Variants in BCL6B observed in about 807,000 individuals in gnomAD.
The protein encoded by BCL6B is B-cell CLL/lymphoma 6 member B protein.
BCL6B carries 28 observed loss-of-function variants against 44.6 expected under a neutral mutation model. The ratio of observed to expected loss-of-function variants is 0.63; its 90% confidence interval spans 0.47 to 0.86. BCL6B has a LOEUF of 0.86. Among genes scored for constraint, BCL6B ranks in the 40% least tolerant of loss-of-function variants. The probability of loss-of-function intolerance (pLI) is 0.00; values close to 1 mark genes in which losing one functional copy is unlikely to be tolerated. For missense variants in BCL6B, 626 were observed against 652.3 expected (o/e 0.96, Z 0.44); for synonymous variants, 268 against 263.6 (o/e 1.02, Z -0.16).
rs1329482297 is a variant in BCL6B, at chr17:7,023,715, G to C, written c.44G>C (p.Arg15Pro). 3.1e-6 allele frequency: 5 copies of C among 1,613,008 alleles called. No homozygotes were observed. Among genetic ancestry groups the C allele is most frequent in the African/African-American group, 2.7e-5 (2 of 74,934 alleles). Residue 15 changes from arginine (R) to proline (P), a missense_variant, in exon 2 of 9, where the codon CGC becomes CCC. Coordinates refer to ENST00000293805, the MANE Select transcript of BCL6B (RefSeq NM_181844.4). ...AAPEGALGYVREFTRHSSDVL... is the reference protein window; with the variant it reads ...AAPEGALGYVPEFTRHSSDVL... The stretch of plus-strand genomic sequence containing the variant: ...CCGGAGGGAGCGCTGGGCTACGTCC[G>C]CGAGTTCACTCGCCACTCCTCCGAC...
chr17:7,027,524 T>G lies in BCL6B; in HGVS notation c.1345T>G (p.Phe449Val). The part of the protein sequence containing the change: ...PYHCDPCGLH[F>V]RHKSQLRLHL... ...ACAGTGCGACCCCTGTGGCCTGCAT[T>G]TCCGGCACAAGAGTCAACTGCGGCT... The change falls in exon 9 of 9, where the codon TTC (phenylalanine) becomes GTC (valine). Residue 449 changes from phenylalanine to valine, a missense_variant. Phe to Val is a conservative substitution (Grantham distance 50, BLOSUM62 -1). Coordinates refer to ENST00000293805, the MANE Select transcript of BCL6B (RefSeq NM_181844.4). 6.2e-7 allele frequency: 1 copy of G among 1,613,850 alleles called. No homozygotes were observed. The highest frequency in any genetic ancestry group is 8.5e-7 in the Non-Finnish European group (1 of 1,180,014).
intron 8 of BCL6B, 57 bp downstream of exon 8, chr17:7,027,144 G>A: frequency 3.7e-6 from 6 of 1,603,706 alleles, no homozygotes; most frequent in South Asian, 2.2e-5. Context: ...TTTGCCTAGG[G>A]GTGGGCTCTG....
Position 7,029,589 on chromosome 17 carries a change from G to A in BCL6B, c.*1970G>A, listed in dbSNP as rs1384615198. ...GGCAGGTGGAGAATGCCTGGGGGTAGAAATGTTAGATCTTGCAACATCAGA... is the reference window on the plus strand; with the variant it reads ...GGCAGGTGGAGAATGCCTGGGGGTAAAAATGTTAGATCTTGCAACATCAGA... On this transcript the variant is annotated 3_prime_UTR_variant, in exon 9 of 9. Transcript: ENST00000293805. 3 of 1,157,020 alleles carry A rather than the reference G, an allele frequency of 2.6e-6. No homozygotes were observed. Among genetic ancestry groups the A allele is most frequent in the Non-Finnish European group, 2.2e-6 (2 of 924,616 alleles). 71.7% of individuals were successfully genotyped at this position (1,157,020 alleles called of 1,614,324 possible). A position where few individuals can be genotyped will look rare whatever the true frequency, so the allele number is the denominator to read the frequency against.
In BCL6B at chr17:7,029,218, C is replaced by T. The variant is rs1910388237; in HGVS notation, c.*1599C>T. On this transcript the variant is annotated 3_prime_UTR_variant, in exon 9 of 9. Coordinates refer to ENST00000293805, the MANE Select transcript of BCL6B (RefSeq NM_181844.4). ...GAGGGGTGCAGTTTCTGGTGTAGGC[C>T]AGGTAGGTAGAAAGTGAGGAACAGG... is the stretch of plus-strand genomic sequence containing the variant. 1.0e-6 allele frequency: 1 copy of T among 986,060 alleles called. No homozygotes were observed. The highest frequency in any genetic ancestry group is 1.2e-6 in the Non-Finnish European group (1 of 830,536). 61.1% of individuals were successfully genotyped at this position (986,060 alleles called of 1,614,324 possible).
At chr17:7,025,607 A>G (rs973597563) in intron 5 of BCL6B, among the ~76,000 whole-genome samples, 3 of 152,154 alleles carry the variant, frequency 2.0e-5, no homozygotes, top group African/African-American at 7.2e-5. Context: ...CCAGTGCAGG[A>G]GGATCACTTG....
At position 7,024,461 on chromosome 17, in the gene BCL6B, G is replaced by A. The variant is rs1317666525; in HGVS notation, c.462G>A (p.Thr154=). 1.9e-6 allele frequency: 3 copies of A among 1,592,072 alleles called. No individual in the cohort carries two copies. Among genetic ancestry groups the A allele is most frequent in the Non-Finnish European group, 2.6e-6 (3 of 1,171,226 alleles). Residue 154 remains threonine (T), a synonymous_variant, in exon 4 of 9, where the codon ACG becomes ACA. Transcript: ENST00000293805. The surrounding 1 kb of genome is among the most constrained non-coding windows in gnomAD (Gnocchi z 6.6). ...AAGCAGAACCCCCAACACCCCCAAC[G>A]GCCCCTCCACCAGGTAGTCCCAGGC... The part of the protein sequence containing the change: ...PLEAEPPTPP[T]APPPGSPRRS...
rs1910387066 is a variant in BCL6B at position 7,029,181 on chromosome 17, A to G, written c.*1562A>G. On this transcript the variant is annotated 3_prime_UTR_variant, in exon 9 of 9. Transcript: ENST00000293805. ...AGTTGACCAAGTTTCAAGTAGGATT[A>G]AGAGGTTGGTTGAGGGGTGCAGTTT... is the stretch of plus-strand genomic sequence containing the variant. 1 of 985,602 alleles carries G rather than the reference A, an allele frequency of 1.0e-6. No homozygotes were observed. Among genetic ancestry groups the G allele is most frequent in the Non-Finnish European group, 1.2e-6 (1 of 830,152 alleles). The allele number at this position is 985,602 out of a possible 1,614,324, so 61.1% of individuals were successfully genotyped here.
chr17:7,027,401 C>T, intron 8 of BCL6B, 102 bp from the exon 9 acceptor site: 6 of 1,345,458 alleles, frequency 4.5e-6, no homozygotes, highest in East Asian at 4.6e-5. Flanking sequence ...GCTGATCTTC[C>T]GCTGGATAGT....
At position 7,023,716 on chromosome 17, in the gene BCL6B, CGAGTT is replaced by C; in HGVS notation, c.46_50del (p.Glu16HisfsTer22). ...CGGAGGGAGCGCTGGGCTACGTCCG[CGAGTT>C]CACTCGCCACTCCTCCGACGTGCTG... On this transcript the variant is annotated frameshift_variant, in exon 2 of 9. Coordinates refer to ENST00000293805, the MANE Select transcript of BCL6B (RefSeq NM_181844.4). LOFTEE classifies it high-confidence loss of function. 1 of 1,613,150 alleles carries C rather than the reference CGAGTT, an allele frequency of 6.2e-7. No homozygotes were observed. The highest frequency in any genetic ancestry group is 8.5e-7 in the Non-Finnish European group (1 of 1,180,018).
rs369682997 is a variant in BCL6B, at chr17:7,027,462, T to C, written c.1324-41T>C. On this transcript the variant is annotated intron_variant, in intron 8 of 8. Transcript: ENST00000293805. ...GCCCGGCTCAACACCTAAAAGGTGA[T>C]TGTGGATGGGGCAGGGCCTGACTTG... 19 of 1,609,694 alleles carry C rather than the reference T, an allele frequency of 1.2e-5. No homozygotes were observed. In the African/African-American group the frequency reaches 1.2e-4, roughly 10 times the overall value.
rs770020427 is a variant in BCL6B at position 7,025,076 on chromosome 17, G to T, written c.765G>T (p.Arg255Ser). Residue 255 changes from arginine to serine, a missense_variant and splice_region_variant, in exon 5 of 9, where the codon AGG becomes AGT. Arg to Ser is a moderately radical substitution (Grantham distance 110). Transcript: ENST00000293805. ...AACCCTTTCCTTGCCATCTGCCTAG[G>T]CTCTCTCCAACTGCTGCCACTGTGC... ...EEGPIPGPQS[R>S]LSPTAATVQF... 1.2e-6 allele frequency: 2 copies of T among 1,613,956 alleles called. No homozygotes were observed. The highest frequency in any genetic ancestry group is 3.3e-5 in the Admixed American group (2 of 60,010).
Position 7,024,853 on chromosome 17 carries a change from A to T in BCL6B, c.764+90A>T. 1 of 1,490,312 alleles carries T rather than the reference A, an allele frequency of 6.7e-7. No individual in the cohort carries two copies. The highest frequency in any genetic ancestry group is 8.9e-7 in the Non-Finnish European group (1 of 1,122,252). The allele number at this position is 1,490,312 out of a possible 1,614,324, so 92.3% of individuals were successfully genotyped here. Reference sequence around the variant, plus strand: ...GCCTTGATGGTCAGGAGGAAGGGAGATAGGTGGTGGGTTTCAGAGACACTA... The same window carrying T: ...GCCTTGATGGTCAGGAGGAAGGGAGTTAGGTGGTGGGTTTCAGAGACACTA... On this transcript the variant is annotated intron_variant, in intron 4 of 8. Transcript: ENST00000293805. This position sits in a 1 kb window ranked among gnomAD's most constrained non-coding sequence, Gnocchi z 6.6.
Position 7,029,212 on chromosome 17 carries a change from G to A in BCL6B, c.*1593G>A. On this transcript the variant is annotated 3_prime_UTR_variant, in exon 9 of 9. Coordinates refer to ENST00000293805, the MANE Select transcript of BCL6B (RefSeq NM_181844.4). ...TTGGTTGAGGGGTGCAGTTTCTGGTGTAGGCCAGGTAGGTAGAAAGTGAGG... is the reference window on the plus strand; with the variant it reads ...TTGGTTGAGGGGTGCAGTTTCTGGTATAGGCCAGGTAGGTAGAAAGTGAGG... 10 of 986,090 alleles carry A rather than the reference G, an allele frequency of 1.0e-5. No homozygotes were observed. The highest frequency in any genetic ancestry group is 1.2e-5 in the Non-Finnish European group (10 of 830,418). The allele number at this position is 986,090 out of a possible 1,614,324, so 61.1% of individuals were successfully genotyped here.
chr17:7,024,019 C>A lies in BCL6B; in HGVS notation c.180-64C>A. ...GGACTTTTTCAGGGGGCGGGGCTTC[C>A]TGAAGCTGCGCATGTCTCCCTTGGT... On this transcript the variant is annotated intron_variant, in intron 2 of 8. Coordinates refer to ENST00000293805, the MANE Select transcript of BCL6B (RefSeq NM_181844.4). The surrounding 1 kb of genome is among the most constrained non-coding windows in gnomAD (Gnocchi z 6.6). The A allele has an allele frequency of 1.3e-6, 2 of 1,574,134 alleles. No individual in the cohort carries two copies. Among genetic ancestry groups the A allele is most frequent in the South Asian group, 2.2e-5 (2 of 89,786 alleles).
chr17:7,023,522 TAGG>T lies in BCL6B; in HGVS notation c.-12-134_-12-132del, dbSNP rs1397017759. On this transcript the variant is annotated intron_variant, in intron 1 of 8. Coordinates refer to ENST00000293805, the MANE Select transcript of BCL6B (RefSeq NM_181844.4). ...AGAGGGCAGAATGAACAAGAAGAAT[TAGG>T]AGGGAGGCTGCGTGTGCCGGGGCTA... 4.9e-4 allele frequency: 387 copies of T among 789,980 alleles called. 3 individuals are homozygous for T. The highest frequency in any genetic ancestry group is 1.9e-4 in the Non-Finnish European group (98 of 509,900). 48.9% of individuals were successfully genotyped at this position (789,980 alleles called of 1,614,324 possible).
chr17:7,023,905 G>A, intron 2 of BCL6B, 55 bp downstream of exon 2: 4 of 1,586,996 alleles, frequency 2.5e-6, no homozygotes, highest in Admixed American at 1.7e-5. Flanking sequence ...GGGACCACAG[G>A]GCCGTTGAGA....
Position 7,028,970 on chromosome 17 carries a change from G to A in BCL6B, c.*1351G>A. 1.0e-6 allele frequency: 1 copy of A among 985,392 alleles called. No homozygotes were observed. Among genetic ancestry groups the A allele is most frequent in the Non-Finnish European group, 1.2e-6 (1 of 829,940 alleles). The allele number at this position is 985,392 out of a possible 1,614,324, so 61.0% of individuals were successfully genotyped here. A position where few individuals can be genotyped will look rare whatever the true frequency, so the allele number is the denominator to read the frequency against. ...TGCTTGGTAACCTTACCTTTTAAAA[G>A]CTGGGTCTGTGACCTGGTCTTCCCA... On this transcript the variant is annotated 3_prime_UTR_variant, in exon 9 of 9. Coordinates refer to ENST00000293805, the MANE Select transcript of BCL6B (RefSeq NM_181844.4).
Position 7,028,002 on chromosome 17 carries a change from G to A in BCL6B, c.*383G>A. The A allele has an allele frequency of 9.8e-7, 1 of 1,023,100 alleles. No individual in the cohort carries two copies. The highest frequency in any genetic ancestry group is 3.9e-5 in the South Asian group (1 of 25,570). 63.4% of individuals were successfully genotyped at this position (1,023,100 alleles called of 1,614,324 possible). On this transcript the variant is annotated 3_prime_UTR_variant, in exon 9 of 9. Transcript: ENST00000293805. ...GTGGCACCGGGGCCTTCATTCGATTGCATTTCCCACTCCCCTCTTCCACAA... is the reference window on the plus strand; with the variant it reads ...GTGGCACCGGGGCCTTCATTCGATTACATTTCCCACTCCCCTCTTCCACAA...
chr17:7,027,566 CACGG>C lies in BCL6B; in HGVS notation c.1389_1392del (p.His463GlnfsTer18). On this transcript the variant is annotated frameshift_variant, in exon 9 of 9. Coordinates refer to ENST00000293805, the MANE Select transcript of BCL6B (RefSeq NM_181844.4). LOFTEE classifies it high-confidence loss of function. Reference sequence around the variant, plus strand: ...ACTGCGGCTGCATCTGCGCCAGAAACACGGAGCTGCTACCAACACCAAAGTGCAC... The same window carrying C: ...ACTGCGGCTGCATCTGCGCCAGAAACAGCTGCTACCAACACCAAAGTGCAC... The C allele has an allele frequency of 1.9e-6, 3 of 1,613,844 alleles. No homozygotes were observed. Among genetic ancestry groups the C allele is most frequent in the Non-Finnish European group, 2.5e-6 (3 of 1,180,008 alleles).
Sources: gnomAD v4.1 joint callset for allele counts (sites outside exome capture counted in the v4.1 genomes callset) on GRCh38, gnomAD v4.1.1 for gene constraint, Gnocchi (gnomAD v3.1) non-coding constraint, MANE v1.5 for transcripts, NCBI Gene and HGNC (gene_info 2026-07-23, HGNC 2026-07-21) for gene names.